CSMD1: variants seen among roughly 807,000 people sequenced by gnomAD.
CSMD1 encodes the protein CUB and Sushi multiple domains 1.
Under a neutral mutation model 417.5 loss-of-function variants are expected in CSMD1, and 213 were observed. The observed-to-expected ratio is 0.51, with a 90% confidence interval of 0.46 to 0.57. The LOEUF (loss-of-function observed/expected upper bound fraction) is 0.57, where lower values mean the gene tolerates loss of function less well. CSMD1 is among the 20% of genes least tolerant of loss of function. The pLI is 0.00. For missense variants in CSMD1, 6,923 were observed against 4,529.7 expected (o/e 1.53, Z -15.17); for synonymous variants, 2,862 against 1,736.8 (o/e 1.65, Z -16.11).
At chr8:3,213,313 T>G (rs1156924845) in intron 30 of CSMD1, among the ~76,000 whole-genome samples, 1 of 152,182 alleles carries the variant, frequency 6.6e-6, no homozygotes, top group East Asian at 1.9e-4. Flanking sequence ...ATTCTTCTTC[T>G]TTTTTAAATA....
intron 49 of CSMD1, among the ~76,000 whole-genome samples, chr8:3,067,236 G>C (rs1391090110): frequency 6.6e-6 from 1 of 152,106 alleles, no homozygotes; most frequent in Non-Finnish European, 1.5e-5. Flanking sequence ...ATGATACTCT[G>C]TCTCTTATCG....
chr8:3,941,330 C>G lies in CSMD1; in HGVS notation c.818+56573G>C, dbSNP rs376868365. On this transcript the variant is annotated intron_variant, in intron 5 of 69. Transcript: ENST00000635120. ...CTCTGGAAACATCCTATGCCATTTA[C>G]AACTTTTCTTCTACATTGTATAATG... Among the ~76,000 whole-genome samples the G allele has an allele frequency of 1.5e-4, 23 of 152,210 alleles. No homozygotes were observed. In the South Asian group the frequency reaches 4.3e-3, roughly 29 times the overall value.
In CSMD1 at chr8:4,809,004, A is replaced by C. The variant is rs539842308; in HGVS notation, c.86-171446T>G. On this transcript the variant is annotated intron_variant, in intron 1 of 69. Transcript: ENST00000635120. ...AAAATTGGAGGACATTTTGCTCTTG[A>C]TCTTATTGAGTTGTCTTGCCGAGTT... is the stretch of plus-strand genomic sequence containing the variant. 1.2e-4 allele frequency among the ~76,000 whole-genome samples: 18 copies of C among 152,302 alleles called. No homozygotes were observed. The South Asian group carries it at 3.3e-3, about 28-fold the overall frequency.
intron 3 of CSMD1, among the ~76,000 whole-genome samples, chr8:4,315,030 C>A (rs1361310119): frequency 1.3e-5 from 2 of 152,142 alleles, no homozygotes; most frequent in Non-Finnish European, 2.9e-5. Context: ...GGTCCCTCTT[C>A]TAATCATGAC....
chr8:4,340,754 C>T (rs568141189), intron 3 of CSMD1, among the ~76,000 whole-genome samples: 1 of 152,196 alleles, frequency 6.6e-6, no homozygotes, highest in East Asian at 1.9e-4. Flanking sequence ...TCAGCAAACT[C>T]TGCAAAACTG....
At chr8:3,596,910 CA>C (rs548420468) in intron 8 of CSMD1, among the ~76,000 whole-genome samples, 13 of 152,174 alleles carry the variant, frequency 8.5e-5, no homozygotes, top group Non-Finnish European at 1.9e-4. Flanking sequence ...AAGCGCTCAG[CA>C]AACATGCCTC....
intron 1 of CSMD1, among the ~76,000 whole-genome samples, chr8:4,918,945 G>C (rs1806246646): frequency 6.6e-6 from 1 of 152,034 alleles, no homozygotes; most frequent in Non-Finnish European, 1.5e-5. Context: ...TGTATGTTTG[G>C]TTTATATTTT....
intron 10 of CSMD1, among the ~76,000 whole-genome samples, chr8:3,508,707 G>A (rs1025228936): frequency 3.3e-5 from 5 of 151,992 alleles, no homozygotes; most frequent in African/African-American, 1.2e-4. Flanking sequence ...CGAGTTTTAT[G>A]TCATGAATAT....
chr8:3,003,158 A>C (rs1807564700), intron 52 of CSMD1, among the ~76,000 whole-genome samples: 1 of 152,120 alleles, frequency 6.6e-6, no homozygotes, highest in Non-Finnish European at 1.5e-5. Context: ...ACACAATTTC[A>C]CTCACAGAAT....
intron 15 of CSMD1, among the ~76,000 whole-genome samples, chr8:3,402,601 A>T (rs970485827): frequency 1.3e-5 from 2 of 152,186 alleles, no homozygotes; most frequent in African/African-American, 2.4e-5. Flanking sequence ...GCTTTTAAAT[A>T]AAAAAATTGC....
intron 3 of CSMD1, among the ~76,000 whole-genome samples, chr8:4,325,311 C>G (rs1248276445): frequency 2.0e-5 from 3 of 152,104 alleles, no homozygotes; most frequent in Non-Finnish European, 2.9e-5. Flanking sequence ...GGCAACCTAG[C>G]AAGAAACCAG....
rs568571172 is a variant in CSMD1, at chr8:3,425,730, G to A, written c.1562-16125C>T. On this transcript the variant is annotated intron_variant, in intron 12 of 69. Transcript: ENST00000635120. ...TGAAGAAAAACATCAAAGAAAATCTGGCTAGGTTCGGATACCCTTTTTCTC... is the reference window on the plus strand; with the variant it reads ...TGAAGAAAAACATCAAAGAAAATCTAGCTAGGTTCGGATACCCTTTTTCTC... 2.0e-5 allele frequency among the ~76,000 whole-genome samples: 3 copies of A among 152,174 alleles called. No individual in the cohort carries two copies. In the South Asian group the frequency reaches 6.2e-4, roughly 32 times the overall value.
intron 3 of CSMD1, among the ~76,000 whole-genome samples, chr8:4,416,466 C>G (rs557470486): frequency 3.3e-5 from 5 of 152,088 alleles, no homozygotes; most frequent in Admixed American, 1.3e-4. Flanking sequence ...ATAATAAACA[C>G]GTGCATTAAA....
intron 3 of CSMD1, among the ~76,000 whole-genome samples, chr8:4,048,230 T>C (rs1433379587): frequency 2.0e-5 from 3 of 152,208 alleles, no homozygotes; most frequent in African/African-American, 7.2e-5. Context: ...TCTTTGTTAT[T>C]AGTCACTGAG....
At position 2,978,643 on chromosome 8, in the gene CSMD1, G is replaced by C. The variant is rs764626349; in HGVS notation, c.8535C>G (p.Gly2845=). ...GSSALTCMAN[G]LWDRSLPKCL... ...ACTTGGGCAGGGATCGGTCCCATAA[G>C]CCATTTGCCATACAGGTCAAGGCTG... Residue 2845 remains glycine (G), a synonymous_variant, in exon 55 of 70, where the codon GGC becomes GGG. Coordinates refer to ENST00000635120, the MANE Select transcript of CSMD1 (RefSeq NM_033225.6). 3.1e-6 allele frequency: 5 copies of C among 1,603,190 alleles called. No homozygotes were observed. Among genetic ancestry groups the C allele is most frequent in the Non-Finnish European group, 4.3e-6 (5 of 1,174,638 alleles).
chr8:3,889,466 TATATATATATATATATATATATATATAA>T (rs1806798461), intron 5 of CSMD1, among the ~76,000 whole-genome samples: 1 of 98,504 alleles, frequency 1.0e-5, no homozygotes, highest in South Asian at 3.9e-4. Flanking sequence ...TATATATATA[TATATATATATATATATATATATATATAA>T]AATATGCTCA....
chr8:3,439,507 C>CTGTG (rs61063749), intron 12 of CSMD1, among the ~76,000 whole-genome samples: 4 of 147,310 alleles, frequency 2.7e-5, no homozygotes, highest in South Asian at 4.3e-4. Flanking sequence ...GTGTGTGTGT[C>CTGTG]TGTGTGTGTG....
intron 5 of CSMD1, among the ~76,000 whole-genome samples, chr8:3,924,209 G>C (rs775375470): frequency 2.0e-5 from 3 of 152,072 alleles, no homozygotes; most frequent in East Asian, 1.9e-4. Flanking sequence ...TGGATATATC[G>C]ATCCATTTTT....
chr8:3,318,054 G>A (rs1805894051), intron 23 of CSMD1, among the ~76,000 whole-genome samples: 1 of 152,132 alleles, frequency 6.6e-6, no homozygotes, highest in South Asian at 2.1e-4. Flanking sequence ...GCCCACCTTG[G>A]CCTCCCAAAA....
Sources: allele counts gnomAD v4.1 joint callset (sites outside exome capture counted in the v4.1 genomes callset), GRCh38; gene constraint gnomAD v4.1.1; transcripts MANE v1.5; gene names NCBI Gene and HGNC (gene_info 2026-07-23, HGNC 2026-07-21).